Variants in LRRC27 observed in about 807,000 individuals in gnomAD.
The protein encoded by LRRC27 is leucine-rich repeat-containing protein 27.
In LRRC27, 57 loss-of-function variants were observed where a neutral mutation model predicts 55.0. The ratio of observed to expected loss-of-function variants is 1.04; its 90% confidence interval spans 0.84 to 1.29. LRRC27 has a LOEUF of 1.29. Among genes scored for constraint, LRRC27 ranks in the 50% most tolerant of loss-of-function variants. The pLI, the probability that LRRC27 is intolerant of heterozygous loss-of-function variation, is 0.00. For missense variants in LRRC27, 721 were observed against 651.5 expected, an observed-to-expected ratio of 1.11 and a Z score of -1.16; for synonymous variants, 278 against 251.9, an observed-to-expected ratio of 1.10 and a Z score of -0.98.
At chr10:132,366,992 T>TC in intron 10 of LRRC27, 1 of 1,234,640 alleles carries the variant, frequency 8.1e-7, no homozygotes, top group Non-Finnish European at 1.0e-6. Context: ...AAACTCTTAT[T>TC]CTTTCTAAAT....
intron 3 of LRRC27, among the ~76,000 whole-genome samples, chr10:132,339,108 C>T (rs961171735): frequency 6.6e-6 from 1 of 152,156 alleles, no homozygotes; most frequent in Non-Finnish European, 1.5e-5. Context: ...CGTGGCTGGC[C>T]ACGGCAGGGC....
intron 9 of LRRC27, among the ~76,000 whole-genome samples, chr10:132,364,130 A>G (rs2068786967): frequency 2.0e-5 from 3 of 151,942 alleles, no homozygotes. Flanking sequence ...GCATGCCCTG[A>G]CCTGAGGGCT....
At chr10:132,369,680 G>A (rs1255848357) in intron 10 of LRRC27, among the ~76,000 whole-genome samples, 1 of 152,204 alleles carries the variant, frequency 6.6e-6, no homozygotes, top group African/African-American at 2.4e-5. Flanking sequence ...CCCCACACAT[G>A]AGCCTGCATG....
At chr10:132,349,822 T>G (rs1328417892) in intron 6 of LRRC27, among the ~76,000 whole-genome samples, 1 of 152,152 alleles carries the variant, frequency 6.6e-6, no homozygotes, top group Non-Finnish European at 1.5e-5. Flanking sequence ...GAGTGTTGTC[T>G]TCCCCCTCTG....
Position 132,380,615 on chromosome 10 carries a change from C to T in LRRC27, c.*5373C>T, listed in dbSNP as rs2069399299. Among the ~76,000 whole-genome samples, 1 of 152,120 alleles carries T rather than the reference C, an allele frequency of 6.6e-6. No homozygotes were observed. The highest frequency in any genetic ancestry group is 1.5e-5 in the Non-Finnish European group (1 of 68,032). On this transcript the variant is annotated 3_prime_UTR_variant, in exon 11 of 11. Coordinates refer to ENST00000368614, the MANE Select transcript of LRRC27 (RefSeq NM_030626.3). The stretch of plus-strand genomic sequence containing the variant: ...TCGAGGCTGCAGTGAGCTGTGATTG[C>T]ACCACTGCACTCAAGCCTGGGCAAC...
chr10:132,336,787 C>T lies in LRRC27; in HGVS notation c.211-778C>T, dbSNP rs41306842. 4,638 of 772,272 alleles carry T rather than the reference C, an allele frequency of 6.0e-3. 25 individuals carry two copies. Among genetic ancestry groups the T allele is most frequent in the Middle Eastern group, 0.026 (113 of 4,406 alleles). 47.8% of individuals were successfully genotyped at this position (772,272 alleles called of 1,614,324 possible). ...ATTGTTCCGAACATCTGTTTCTACT[C>T]CCTCAGGAAATACAGATATGGATAT... is the stretch of plus-strand genomic sequence containing the variant. On this transcript the variant is annotated intron_variant, in intron 2 of 10. Coordinates refer to ENST00000368614, the MANE Select transcript of LRRC27 (RefSeq NM_030626.3).
rs2067816208 is a variant in LRRC27 at position 132,348,164 on chromosome 10, A to T, written c.734A>T (p.Lys245Met). 5 of 1,614,092 alleles carry T rather than the reference A, an allele frequency of 3.1e-6. No homozygotes were observed. The highest frequency in any genetic ancestry group is 4.2e-6 in the Non-Finnish European group (5 of 1,180,010). Residue 245 changes from lysine to methionine, a missense_variant, in exon 6 of 11, where the codon AAG becomes ATG. Transcript: ENST00000368614. This position sits in a 1 kb window ranked among gnomAD's most constrained non-coding sequence, Gnocchi z 4.2. Reference protein sequence around the residue: ...VEKPDLSELRKSADSSENWPS... With the variant: ...VEKPDLSELRMSADSSENWPS... ...AAGCCAGACCTGAGTGAACTCAGGA[A>T]GTCTGCGGACTCCTCAGAGAACTGG... is the stretch of plus-strand genomic sequence containing the variant.
chr10:132,338,911 T>C (rs956387619), intron 3 of LRRC27, among the ~76,000 whole-genome samples: 8 of 152,226 alleles, frequency 5.3e-5, no homozygotes, highest in Admixed American at 5.2e-4. Context: ...GGTTTTGCCA[T>C]GTTGGACAGG....
At chr10:132,358,104 A>T (rs1169231331) in intron 8 of LRRC27, among the ~76,000 whole-genome samples, 1 of 152,240 alleles carries the variant, frequency 6.6e-6, no homozygotes, top group Admixed American at 6.5e-5. Flanking sequence ...TTCATATCTA[A>T]TATACAAAGA....
Position 132,344,485 on chromosome 10 carries a change from T to G in LRRC27, c.401-13T>G, listed in dbSNP as rs1564828939. 6.9e-6 allele frequency: 11 copies of G among 1,598,280 alleles called. No homozygotes were observed. The East Asian group carries it at 2.0e-4, about 29-fold the overall frequency. ...ATATAGAATGCTGACAGTTTTTTTT[T>G]CCTCCACTGCAGGGAGCGTAACCAC... On this transcript the variant is annotated splice_polypyrimidine_tract_variant and intron_variant, in intron 4 of 10. Transcript: ENST00000368614.
At chr10:132,352,786 C>T (rs965411871) in intron 7 of LRRC27, 91 of 1,388,488 alleles carry the variant, frequency 6.6e-5, no homozygotes, top group Non-Finnish European at 8.7e-5. Flanking sequence ...GGTTGCAGTG[C>T]TCGCGGTCGC....
chr10:132,364,458 C>CCCTTACATCT (rs2068860358), intron 9 of LRRC27, among the ~76,000 whole-genome samples: 2 of 83,266 alleles, frequency 2.4e-5, no homozygotes, highest in Admixed American at 1.5e-4. Flanking sequence ...CCCACACTCA[C>CCCTTACATCT]ACCCACCCAC....
chr10:132,335,012 G>C (rs545258718), intron 2 of LRRC27: 1 of 152,322 alleles, frequency 6.6e-6, no homozygotes, highest in Non-Finnish European at 1.5e-5. Flanking sequence ...CACTTCCAGA[G>C]ATCCCCCATC....
intron 5 of LRRC27, among the ~76,000 whole-genome samples, chr10:132,346,205 G>A (rs2067677873): frequency 6.6e-6 from 1 of 152,202 alleles, no homozygotes; most frequent in Non-Finnish European, 1.5e-5. Context: ...GGGGTGCGGG[G>A]TCCATCAACT....
intron 9 of LRRC27, among the ~76,000 whole-genome samples, chr10:132,364,420 T>TACATCTACCTCCACACCCACACTTA (rs1564853282): frequency 1.5e-5 from 1 of 66,588 alleles, no homozygotes. Flanking sequence ...CACCCGCGCT[T>TACATCTACCTCCACACCCACACTTA]ACACCCACGC....
At chr10:132,368,244 G>A (rs1253102379) in intron 10 of LRRC27, among the ~76,000 whole-genome samples, 1 of 152,188 alleles carries the variant, frequency 6.6e-6, no homozygotes, top group Non-Finnish European at 1.5e-5. Context: ...ACTCAATATT[G>A]TTGGTAGTCA....
In LRRC27 at chr10:132,350,104, G is replaced by A. The variant is rs370444092; in HGVS notation, c.927-1503G>A. On this transcript the variant is annotated intron_variant, in intron 6 of 10. Transcript: ENST00000368614. ...TGGGCATGGTGAGAGCAGCAGGCCC[G>A]GTCCAAGGTGACTCGTGTGGCCTGG... is the stretch of plus-strand genomic sequence containing the variant. Among the ~76,000 whole-genome samples the A allele has an allele frequency of 1.2e-4, 18 of 152,316 alleles. No individual in the cohort carries two copies. The East Asian group carries it at 2.3e-3, about 20-fold the overall frequency.
Position 132,378,043 on chromosome 10 carries a change from G to C in LRRC27, c.*2801G>C, listed in dbSNP as rs796196728. The C allele has an allele frequency of 1.8e-4, 15 of 81,264 alleles. No homozygotes were observed. In the African/African-American group the frequency reaches 2.1e-3, roughly 11 times the overall value. 5.0% of individuals were successfully genotyped at this position (81,264 alleles called of 1,614,324 possible). ...AAAAAATACAAAAAATTAGCCGGGC[G>C]TGGTGGCTGTAGTCGCAGCTACTCA... On this transcript the variant is annotated 3_prime_UTR_variant, in exon 11 of 11. Transcript: ENST00000368614.
Position 132,337,578 on chromosome 10 carries a change from A to G in LRRC27, c.224A>G (p.Gln75Arg). 1 of 1,613,130 alleles carries G rather than the reference A, an allele frequency of 6.2e-7. No homozygotes were observed. The highest frequency in any genetic ancestry group is 8.5e-7 in the Non-Finnish European group (1 of 1,179,706). The change falls in exon 3 of 11, where the codon CAA becomes CGA. Residue 75 changes from glutamine to arginine, a missense_variant. Gln to Arg is a conservative substitution (Grantham distance 43, BLOSUM62 1). Coordinates refer to ENST00000368614, the MANE Select transcript of LRRC27 (RefSeq NM_030626.3). ...TTTCCATGGAAGCAATTGCATCTGCAAAGGAATGCCCTGTGTGTGATTCCT... is the reference window on the plus strand; with the variant it reads ...TTTCCATGGAAGCAATTGCATCTGCGAAGGAATGCCCTGTGTGTGATTCCT... ...RIPSLQQLHL[Q>R]RNALCVIPQD...
Sources: allele counts gnomAD v4.1 joint callset (sites outside exome capture counted in the v4.1 genomes callset), GRCh38; gene constraint gnomAD v4.1.1; non-coding constraint Gnocchi (gnomAD v3.1); transcripts MANE v1.5; gene names NCBI Gene and HGNC (gene_info 2026-07-23, HGNC 2026-07-21).